The following CYSTM1 variants were observed in gnomAD, a reference collection of about 807,000 sequenced individuals.
CYSTM1 encodes cysteine-rich transmembrane module-containing protein 1.
Under a neutral mutation model 13.1 loss-of-function variants are expected in CYSTM1, and 4 were observed. That is an observed-to-expected ratio of 0.31 (90% CI 0.15 to 0.70). The LOEUF (loss-of-function observed/expected upper bound fraction) is 0.70. Among genes scored for constraint, CYSTM1 ranks in the 30% least tolerant of loss-of-function variants. CYSTM1 has a pLI of 0.72. For missense variants in CYSTM1, 96 were observed against 121.6 expected, an observed-to-expected ratio of 0.79 and a Z score of 0.99; for synonymous variants, 36 against 42.7, an observed-to-expected ratio of 0.84 and a Z score of 0.62.
intron 2 of CYSTM1, among the ~76,000 whole-genome samples, chr5:140,197,138 ACT>A (rs1764168112): frequency 6.6e-6 from 1 of 151,884 alleles, no homozygotes; most frequent in Non-Finnish European, 1.5e-5. Context: ...GTTTATACTG[ACT>A]CTCTAACTAG....
At chr5:140,183,249 G>C in intron 1 of CYSTM1, among the ~76,000 whole-genome samples, 1 of 152,132 alleles carries the variant, frequency 6.6e-6, no homozygotes, top group Non-Finnish European at 1.5e-5. Context: ...CTTGGCAGGG[G>C]GCAGAGTTCT....
At chr5:140,182,552 T>C (rs1313301139) in intron 1 of CYSTM1, among the ~76,000 whole-genome samples, 3 of 152,060 alleles carry the variant, frequency 2.0e-5, no homozygotes, top group Non-Finnish European at 2.9e-5. Context: ...TACATTGTTC[T>C]TTCTGTGCCA....
intron 2 of CYSTM1, among the ~76,000 whole-genome samples, chr5:140,233,982 T>C (rs4913074): frequency 0.23 from 35,087 of 152,106 alleles, 4,072 homozygotes; most frequent in African/African-American, 0.25. Flanking sequence ...AAGTCCAGTT[T>C]ATCAATTTTT....
At chr5:140,180,697 G>C (rs1482047501) in intron 1 of CYSTM1, among the ~76,000 whole-genome samples, 1 of 152,046 alleles carries the variant, frequency 6.6e-6, no homozygotes, top group East Asian at 1.9e-4. Flanking sequence ...AAACTGGGTA[G>C]GTCCTCACAT....
intron 2 of CYSTM1, among the ~76,000 whole-genome samples, chr5:140,205,554 C>T (rs1300706892): frequency 6.6e-6 from 1 of 152,174 alleles, no homozygotes; most frequent in African/African-American, 2.4e-5. Context: ...CTGCTTAGTG[C>T]CACCAAGAGC....
chr5:140,238,797 A>T (rs1764713969), intron 2 of CYSTM1, among the ~76,000 whole-genome samples: 1 of 152,214 alleles, frequency 6.6e-6, no homozygotes, highest in Non-Finnish European at 1.5e-5. Context: ...AACCTCCCGG[A>T]AGGCTGGTTG....
At chr5:140,188,778 C>CAA (rs34915397) in intron 1 of CYSTM1, among the ~76,000 whole-genome samples, 22,809 of 112,842 alleles carry the variant, frequency 0.2, 2,568 homozygotes, top group South Asian at 0.26. Flanking sequence ...GACTCCGTCT[C>CAA]AAAAAAAAAA....
In CYSTM1 at chr5:140,219,261, G is replaced by T. The variant is rs1764463794; in HGVS notation, c.188-24044G>T. On this transcript the variant is annotated intron_variant, in intron 2 of 2. Transcript: ENST00000261811. The surrounding 1 kb of genome is among the most constrained non-coding windows in gnomAD (Gnocchi z 4.1). ...CATTTGCCCTTGATTCTAGGTGGAT[G>T]TCAGCTTGTGTTACAAAACAGTGTT... 6.6e-6 allele frequency among the ~76,000 whole-genome samples: 1 copy of T among 152,182 alleles called. No individual in the cohort carries two copies. Among genetic ancestry groups the T allele is most frequent in the South Asian group, 2.1e-4 (1 of 4,828 alleles).
intron 2 of CYSTM1, among the ~76,000 whole-genome samples, chr5:140,231,822 C>T (rs1416554996): frequency 6.6e-6 from 1 of 152,176 alleles, no homozygotes; most frequent in African/African-American, 2.4e-5. Flanking sequence ...AGTTGAGAAA[C>T]AGGCAGGAAC....
chr5:140,182,564 C>A (rs1018751397), intron 1 of CYSTM1, among the ~76,000 whole-genome samples: 1 of 151,196 alleles, frequency 6.6e-6, no homozygotes, highest in Admixed American at 6.6e-5. Context: ...TCTGTGCCAG[C>A]GTGCTCTTAG....
chr5:140,208,464 G>A (rs1002476420), intron 2 of CYSTM1, among the ~76,000 whole-genome samples: 13 of 152,200 alleles, frequency 8.5e-5, no homozygotes, highest in Non-Finnish European at 1.8e-4. Context: ...GGTGGGAATA[G>A]TTAGTGGATA....
At chr5:140,234,025 A>G (rs1479465584) in intron 2 of CYSTM1, among the ~76,000 whole-genome samples, 2 of 151,762 alleles carry the variant, frequency 1.3e-5, no homozygotes, top group East Asian at 1.9e-4. Context: ...CAGTCTAAGG[A>G]CTCTTTGTCT....
chr5:140,198,137 G>C (rs1764177750), intron 2 of CYSTM1, among the ~76,000 whole-genome samples: 1 of 152,186 alleles, frequency 6.6e-6, no homozygotes, highest in African/African-American at 2.4e-5. Context: ...ACTAGTATTT[G>C]TTGAGCACCA....
At position 140,240,423 on chromosome 5, in the gene CYSTM1, C is replaced by T. The variant is rs148232617; in HGVS notation, c.188-2882C>T. On this transcript the variant is annotated intron_variant, in intron 2 of 2. Coordinates refer to ENST00000261811, the MANE Select transcript of CYSTM1 (RefSeq NM_032412.4). ...ACCTGGGTTGGGGCCACCTCTGCCA[C>T]AGCTCCTGCTGGGTGACTCGCACTG... Among the ~76,000 whole-genome samples, 109 of 151,918 alleles carry T rather than the reference C, an allele frequency of 7.2e-4. No individual in the cohort carries two copies. The Middle Eastern group carries it at 0.02, about 28-fold the overall frequency.
intron 2 of CYSTM1, among the ~76,000 whole-genome samples, chr5:140,207,429 A>C (rs765527588): frequency 6.6e-6 from 1 of 152,122 alleles, no homozygotes; most frequent in Non-Finnish European, 1.5e-5. Flanking sequence ...GTTGGCCTAC[A>C]TTTGGTGTAG....
At position 140,177,084 on chromosome 5, in the gene CYSTM1, A is replaced by C. The variant is rs573538942; in HGVS notation, c.-21+1799A>C. Reference sequence around the variant, plus strand: ...ACTCTGTCTCAAAAAAAAAAAAAAAAAAATCTCTAGTCCTTTCCTGCCAGC... The same window carrying C: ...ACTCTGTCTCAAAAAAAAAAAAAAACAAATCTCTAGTCCTTTCCTGCCAGC... On this transcript the variant is annotated intron_variant, in intron 1 of 2. Transcript: ENST00000261811. Among the ~76,000 whole-genome samples, 152 of 150,980 alleles carry C rather than the reference A, an allele frequency of 1.0e-3. No homozygotes were observed. The South Asian group carries it at 0.021, about 21-fold the overall frequency.
At chr5:140,177,768 GTTAATA>G (rs1437584863) in intron 1 of CYSTM1, among the ~76,000 whole-genome samples, 1 of 152,100 alleles carries the variant, frequency 6.6e-6, no homozygotes, top group African/African-American at 2.4e-5. Context: ...GCAGGAGCTT[GTTAATA>G]TTAAGAATCG....
At chr5:140,231,897 T>C (rs1764621799) in intron 2 of CYSTM1, among the ~76,000 whole-genome samples, 1 of 152,220 alleles carries the variant, frequency 6.6e-6, no homozygotes, top group Admixed American at 6.5e-5. Context: ...TGGGAAGCTG[T>C]TGAAGGATAT....
chr5:140,242,702 GC>G (rs1437392581), intron 2 of CYSTM1, among the ~76,000 whole-genome samples: 2 of 152,148 alleles, frequency 1.3e-5, no homozygotes, highest in Non-Finnish European at 1.5e-5. Flanking sequence ...GGAAAAGTGA[GC>G]ATGCTAGGCT....
Sources: gnomAD v4.1 joint callset for allele counts (sites outside exome capture counted in the v4.1 genomes callset) on GRCh38, gnomAD v4.1.1 for gene constraint, Gnocchi (gnomAD v3.1) non-coding constraint, MANE v1.5 for transcripts, NCBI Gene and HGNC (gene_info 2026-07-23, HGNC 2026-07-21) for gene names.